The following NCKAP5 variants were observed in gnomAD, a reference collection of about 807,000 sequenced individuals.
NCKAP5 encodes NCK associated protein 5, also known as nck-associated protein 5.
Under a neutral mutation model 167.0 loss-of-function variants are expected in NCKAP5, and 92 were observed. That is an observed-to-expected ratio of 0.55 (90% confidence interval 0.47 to 0.66). The LOEUF (loss-of-function observed/expected upper bound fraction) is 0.66, where lower values mean the gene tolerates loss of function less well. Among genes scored for constraint, NCKAP5 ranks in the 30% least tolerant of loss-of-function variants. The pLI is 0.00. For synonymous variants in NCKAP5, 891 were observed against 877.4 expected, an observed-to-expected ratio of 1.02 and a Z score of -0.27; for missense variants, 2,378 against 2,315.0, an observed-to-expected ratio of 1.03 and a Z score of -0.56.
chr2:133,105,476 C>A (rs2081652404), intron 6 of NCKAP5, among the ~76,000 whole-genome samples: 1 of 152,216 alleles, frequency 6.6e-6, no homozygotes, highest in African/African-American at 2.4e-5. Flanking sequence ...CTTTCTCACT[C>A]TACATGGGAG....
At chr2:133,408,642 C>T (rs1484715505) in intron 3 of NCKAP5, among the ~76,000 whole-genome samples, 1 of 152,050 alleles carries the variant, frequency 6.6e-6, no homozygotes, top group Admixed American at 6.5e-5. Context: ...TCTCCTTTCC[C>T]TCCTACTCCT....
At chr2:132,864,698 C>T (rs1160320776) in intron 10 of NCKAP5, among the ~76,000 whole-genome samples, 1 of 152,132 alleles carries the variant, frequency 6.6e-6, no homozygotes, top group Non-Finnish European at 1.5e-5. Flanking sequence ...ATGCTGATTG[C>T]TTAGAAGCAG....
At chr2:133,254,030 G>C (rs1204645260) in intron 4 of NCKAP5, among the ~76,000 whole-genome samples, 1 of 152,110 alleles carries the variant, frequency 6.6e-6, no homozygotes. Context: ...CAAAAGCCTG[G>C]GAAACATGCC....
rs2105054317 is a variant in NCKAP5 at position 132,683,046 on chromosome 2, G to A, written c.5714-9741C>T. ...TTACAGGCATGCACCTCCATGCCTG[G>A]CTAATTTTTGTATTTTTAGTAGAGA... On this transcript the variant is annotated intron_variant, in intron 19 of 19. Transcript: ENST00000409261. Among the ~76,000 whole-genome samples, 3 of 151,884 alleles carry A rather than the reference G, an allele frequency of 2.0e-5. No individual in the cohort carries two copies. In the South Asian group the frequency reaches 6.3e-4, roughly 32 times the overall value.
chr2:132,931,899 A>G (rs1696408096), intron 8 of NCKAP5, among the ~76,000 whole-genome samples: 1 of 152,224 alleles, frequency 6.6e-6, no homozygotes, highest in Non-Finnish European at 1.5e-5. Context: ...ATAGAAAGAC[A>G]TGTTACACTT....
At chr2:133,315,674 A>G (rs1681555044) in intron 3 of NCKAP5, among the ~76,000 whole-genome samples, 1 of 151,760 alleles carries the variant, frequency 6.6e-6, no homozygotes, top group Admixed American at 6.6e-5. Flanking sequence ...GTGAGGGAGG[A>G]ACAGGAGAAG....
At chr2:133,640,381 C>T in the NCKAP5 span, among the ~76,000 whole-genome samples, 42 of 152,258 alleles carry the variant, frequency 2.8e-4, no homozygotes, top group African/African-American at 7.9e-4. Flanking sequence ...GTATAGGACC[C>T]TTTGAAGGTT....
intron 16 of NCKAP5, among the ~76,000 whole-genome samples, chr2:132,754,911 T>C (rs1204274104): frequency 1.3e-5 from 2 of 152,240 alleles, no homozygotes; most frequent in Non-Finnish European, 2.9e-5. Context: ...AGAATTCTAG[T>C]TCAGAATCAG....
intron 3 of NCKAP5, among the ~76,000 whole-genome samples, chr2:133,324,862 G>C (rs2150691698): frequency 6.6e-6 from 1 of 152,008 alleles, no homozygotes; most frequent in East Asian, 1.9e-4. Flanking sequence ...TGGGATTACA[G>C]GCACCCAGAT....
At chr2:133,156,245 T>C (rs1240525619) in intron 5 of NCKAP5, among the ~76,000 whole-genome samples, 1 of 152,228 alleles carries the variant, frequency 6.6e-6, no homozygotes, top group African/African-American at 2.4e-5. Flanking sequence ...GCACCTGCTG[T>C]GTTCCCTCTT....
intron 19 of NCKAP5, among the ~76,000 whole-genome samples, chr2:132,697,213 C>G (rs974316378): frequency 2.0e-5 from 3 of 152,190 alleles, no homozygotes; most frequent in Non-Finnish European, 1.5e-5. Flanking sequence ...AACAGTTATC[C>G]CTTAAAGAGC....
rs372056960 is a variant in NCKAP5 at position 132,783,942 on chromosome 2, C to T, written c.2869G>A (p.Glu957Lys). 2.7e-5 allele frequency: 42 copies of T among 1,584,092 alleles called. No individual in the cohort carries two copies. The Middle Eastern group carries it at 1.5e-3, about 58-fold the overall frequency. ...YSPAPSSTKS[E>K]TRVPSETART... ...GCTGTTTCACTGGGGACCCTGGTTT[C>T]GGACTTGGTGGATGAAGGTGCTGGT... The change falls in exon 14 of 20, where the codon GAA (glutamate) becomes AAA (lysine). Residue 957 changes from glutamate (E) to lysine (K), a missense_variant. This residue lies in a region of NCKAP5 where 1,325 missense variants were observed against 1,274.5 expected (regional missense o/e 1.04). Coordinates refer to ENST00000409261, the MANE Select transcript of NCKAP5 (RefSeq NM_207363.3).
At chr2:133,153,383 G>A (rs1389406153) in intron 5 of NCKAP5, among the ~76,000 whole-genome samples, 3 of 152,100 alleles carry the variant, frequency 2.0e-5, no homozygotes, top group Non-Finnish European at 4.4e-5. Flanking sequence ...TGTGTTGGGG[G>A]TGAGAGTGGA....
intron 2 of NCKAP5, among the ~76,000 whole-genome samples, chr2:133,523,884 C>CAAGCAACCAGGT (rs1684667161): frequency 1.3e-5 from 2 of 152,208 alleles, no homozygotes; most frequent in Admixed American, 1.3e-4. Flanking sequence ...CATGGGTTTT[C>CAAGCAACCAGGT]ACCCTGGTTG....
intron 6 of NCKAP5, among the ~76,000 whole-genome samples, chr2:133,127,870 GA>G (rs1489876348): frequency 6.6e-6 from 1 of 152,156 alleles, no homozygotes; most frequent in Non-Finnish European, 1.5e-5. Flanking sequence ...AATAGCCTAT[GA>G]GGGGTGGGAC....
At chr2:133,535,641 T>C (rs1685704213) in intron 2 of NCKAP5, among the ~76,000 whole-genome samples, 2 of 152,172 alleles carry the variant, frequency 1.3e-5, no homozygotes, top group African/African-American at 4.8e-5. Flanking sequence ...CTTATTTTCC[T>C]TTGAGCAGAT....
intron 5 of NCKAP5, among the ~76,000 whole-genome samples, chr2:133,158,751 G>T (rs980922564): frequency 6.6e-6 from 1 of 152,014 alleles, no homozygotes; most frequent in Non-Finnish European, 1.5e-5. Context: ...ATATAATTTA[G>T]ATTAGCCACT....
At chr2:133,542,360 A>C (rs1410347445) in intron 2 of NCKAP5, among the ~76,000 whole-genome samples, 2 of 152,146 alleles carry the variant, frequency 1.3e-5, no homozygotes, top group Non-Finnish European at 1.5e-5. Flanking sequence ...ATAATCCTAT[A>C]ATGTGTTTTA....
intron 16 of NCKAP5, among the ~76,000 whole-genome samples, chr2:132,763,397 T>A (rs1323962617): frequency 6.6e-6 from 1 of 152,196 alleles, no homozygotes; most frequent in Non-Finnish European, 1.5e-5. Flanking sequence ...CCTTTGCTCA[T>A]GTGGTTTCTC....
Sources: allele counts gnomAD v4.1 joint callset (sites outside exome capture counted in the v4.1 genomes callset), GRCh38; gene constraint gnomAD v4.1.1; regional missense constraint gnomAD v4.1.1; transcripts MANE v1.5; gene names NCBI Gene and HGNC (gene_info 2026-07-23, HGNC 2026-07-21).